Variants in ARHGAP26 observed in about 807,000 individuals in gnomAD.
ARHGAP26 encodes the protein Rho GTPase activating protein 26.
A neutral mutation model predicts 104.8 loss-of-function variants in ARHGAP26; 38 were observed. The observed-to-expected ratio is 0.36, with a 90% CI of 0.28 to 0.48. The LOEUF (loss-of-function observed/expected upper bound fraction) is 0.48, where lower values mean the gene tolerates loss of function less well. Ranked by LOEUF, ARHGAP26 falls within the 20% of genes least tolerant of loss-of-function variation. ARHGAP26 has a pLI of 0.99. For missense variants in ARHGAP26, 704 were observed against 947.9 expected (o/e 0.74, Z 3.38); for synonymous variants, 341 against 340.0 (o/e 1.00, Z -0.03).
chr5:143,065,990 A>G (rs1787422019), intron 17 of ARHGAP26, among the ~76,000 whole-genome samples: 1 of 152,220 alleles, frequency 6.6e-6, no homozygotes, highest in African/African-American at 2.4e-5. Flanking sequence ...CATTCCCCCA[A>G]GAATCCCCTG....
intron 11 of ARHGAP26, among the ~76,000 whole-genome samples, chr5:142,953,056 G>A (rs1316491065): frequency 6.6e-6 from 1 of 152,096 alleles, no homozygotes; most frequent in Non-Finnish European, 1.5e-5. Context: ...CAATGTCATG[G>A]AGAGGATATA....
Position 143,054,440 on chromosome 5 carries a change from C to T in ARHGAP26, c.1287C>T (p.Asp429=). Residue 429 remains aspartate (D), a splice_region_variant and synonymous_variant, in exon 15 of 23, where the codon GAC becomes GAT. Transcript: ENST00000645722. ...TGTATTGTCTTTTCTTCATTTTAGA[C>T]CCCAAGACTGCTTCTGAGACAGAAA... The part of the protein sequence containing the change: ...RVQKLLSVLM[D]PKTASETETD... 2 of 1,610,750 alleles carry T rather than the reference C, an allele frequency of 1.2e-6. No homozygotes were observed. Among genetic ancestry groups the T allele is most frequent in the Non-Finnish European group, 1.7e-6 (2 of 1,178,230 alleles).
chr5:142,921,854 C>T (rs557034424), intron 10 of ARHGAP26: 221 of 152,310 alleles, frequency 1.5e-3, no homozygotes, highest in African/African-American at 5.1e-3. Flanking sequence ...TGTCTGAAAA[C>T]ATGGCTGTTG....
At chr5:142,919,305 C>T in intron 10 of ARHGAP26, 1 of 398,616 alleles carries the variant, frequency 2.5e-6, no homozygotes, top group East Asian at 3.6e-5. Flanking sequence ...AGCCAATGAA[C>T]ACCAAAGGTT....
In ARHGAP26 at chr5:142,983,706, A is replaced by G. The variant is rs536591430; in HGVS notation, c.1108-30374A>G. Among the ~76,000 whole-genome samples the G allele has an allele frequency of 1.2e-4, 19 of 152,356 alleles. No homozygotes were observed. The South Asian group carries it at 3.5e-3, about 28-fold the overall frequency. ...GAAAATGTGGAAAATAACTAAAAAG[A>G]TGAAGAGGAAAATGAATATCACTCA... On this transcript the variant is annotated intron_variant, in intron 11 of 22. Transcript: ENST00000645722.
At chr5:142,808,188 T>C (rs575620391) in intron 1 of ARHGAP26, among the ~76,000 whole-genome samples, 3 of 118,148 alleles carry the variant, frequency 2.5e-5, no homozygotes, top group South Asian at 5.6e-4. Context: ...CGAGCTGAGA[T>C]CACACCACTG....
intron 20 of ARHGAP26, among the ~76,000 whole-genome samples, chr5:143,161,004 ATTTT>A (rs11361288): frequency 1.1e-5 from 1 of 93,538 alleles, no homozygotes; most frequent in Non-Finnish European, 2.1e-5. Context: ...GCTATTTCAG[ATTTT>A]TTTTTTTTTT....
At chr5:143,205,240 C>T (rs755723973) in intron 20 of ARHGAP26, among the ~76,000 whole-genome samples, 3 of 152,050 alleles carry the variant, frequency 2.0e-5, no homozygotes, top group Non-Finnish European at 2.9e-5. Context: ...ATATTTTAAG[C>T]TCTTGAAGTC....
At chr5:142,998,245 T>C (rs1341416927) in intron 11 of ARHGAP26, among the ~76,000 whole-genome samples, 1 of 152,178 alleles carries the variant, frequency 6.6e-6, no homozygotes, top group African/African-American at 2.4e-5. Context: ...ATGTTAAGAT[T>C]AGTACAGGGC....
intron 1 of ARHGAP26, among the ~76,000 whole-genome samples, chr5:142,806,669 C>A (rs966637742): frequency 6.6e-6 from 1 of 152,146 alleles, no homozygotes; most frequent in Non-Finnish European, 1.5e-5. Context: ...GACGACATCA[C>A]AGTGAAAGAT....
At chr5:142,850,953 A>T (rs970445204) in intron 1 of ARHGAP26, among the ~76,000 whole-genome samples, 1 of 152,244 alleles carries the variant, frequency 6.6e-6, no homozygotes, top group Admixed American at 6.5e-5. Context: ...TGCAGTGTCA[A>T]CCAGGCCACA....
At chr5:143,012,577 T>TATATATATATATATATATATATAAA (rs1554195775) in intron 11 of ARHGAP26, among the ~76,000 whole-genome samples, 8 of 19,092 alleles carry the variant, frequency 4.2e-4, no homozygotes, top group East Asian at 3.8e-3. Flanking sequence ...ATATATATAT[T>TATATATATATATATATATATATAAA]ATGATCAGGT....
chr5:143,163,112 C>T (rs1801470409), intron 20 of ARHGAP26, among the ~76,000 whole-genome samples: 3 of 151,900 alleles, frequency 2.0e-5, no homozygotes, highest in Admixed American at 1.3e-4. Context: ...AAGACCTCAT[C>T]TTAAAAAGAA....
intron 1 of ARHGAP26, among the ~76,000 whole-genome samples, chr5:142,863,180 G>A (rs1036995265): frequency 2.8e-4 from 42 of 150,420 alleles, no homozygotes; most frequent in African/African-American, 9.6e-4. Flanking sequence ...GCACGATCTC[G>A]GCTCACTGCA....
Position 143,075,230 on chromosome 5 carries a change from A to G in ARHGAP26, c.1538+17483A>G, listed in dbSNP as rs193091586. ...AATTGCACATTAAAAATATTCCTCT[A>G]TTATAGGGTCAACATTTTACAGAGC... On this transcript the variant is annotated intron_variant, in intron 17 of 22. Coordinates refer to ENST00000645722, the MANE Select transcript of ARHGAP26 (RefSeq NM_001135608.3). Among the ~76,000 whole-genome samples, 8 of 152,110 alleles carry G rather than the reference A, an allele frequency of 5.3e-5. No homozygotes were observed. In the East Asian group the frequency reaches 5.8e-4, roughly 11 times the overall value.
At chr5:142,950,180 G>C (rs7736251) in intron 11 of ARHGAP26, among the ~76,000 whole-genome samples, 1 of 152,256 alleles carries the variant, frequency 6.6e-6, no homozygotes, top group East Asian at 1.9e-4. Context: ...GGGTGTGTGT[G>C]TCTGTGTGTG....
intron 12 of ARHGAP26, among the ~76,000 whole-genome samples, chr5:143,015,798 A>G (rs576236999): frequency 6.6e-6 from 1 of 152,240 alleles, no homozygotes. Flanking sequence ...TTGTGACCTT[A>G]TGAACCTACA....
chr5:143,028,275 T>C (rs2152852568), intron 12 of ARHGAP26, among the ~76,000 whole-genome samples: 1 of 152,360 alleles, frequency 6.6e-6, no homozygotes, highest in African/African-American at 2.4e-5. Flanking sequence ...TCATTGCTGT[T>C]GTTACCACTT....
At chr5:142,793,836 C>T (rs115697407) in intron 1 of ARHGAP26, among the ~76,000 whole-genome samples, 1,590 of 152,228 alleles carry the variant, frequency 0.01, 33 homozygotes, top group African/African-American at 0.037. Context: ...GATCTGCCTG[C>T]TTCGACCTCT....
Sources: allele counts gnomAD v4.1 joint callset (sites outside exome capture counted in the v4.1 genomes callset), GRCh38; gene constraint gnomAD v4.1.1; transcripts MANE v1.5; gene names NCBI Gene and HGNC (gene_info 2026-07-23, HGNC 2026-07-21).